The following CNTNAP2 variants were observed in gnomAD, a reference collection of about 807,000 sequenced individuals.
The protein encoded by CNTNAP2 is contactin-associated protein-like 2.
Under a neutral mutation model 155.2 loss-of-function variants are expected in CNTNAP2, and 98 were observed. That is an observed-to-expected ratio of 0.63 (90% CI 0.54 to 0.75). CNTNAP2 has a LOEUF of 0.75. Ranked by LOEUF, CNTNAP2 falls within the 30% of genes least tolerant of loss-of-function variation. The pLI is 0.00. For synonymous variants in CNTNAP2, 651 were observed against 631.2 expected (o/e 1.03, Z -0.47); for missense variants, 1,727 against 1,688.1 (o/e 1.02, Z -0.40).
intron 21 of CNTNAP2, among the ~76,000 whole-genome samples, chr7:148,361,709 C>T (rs969657054): frequency 2.0e-5 from 3 of 152,138 alleles, no homozygotes; most frequent in Non-Finnish European, 4.4e-5. Context: ...TGTATTAGTC[C>T]GTTCTCACGC....
intron 1 of CNTNAP2, among the ~76,000 whole-genome samples, chr7:146,595,404 G>A (rs1798845660): frequency 6.6e-6 from 1 of 151,762 alleles, no homozygotes; most frequent in South Asian, 2.1e-4. Context: ...ATGAATACAT[G>A]GAATTATGTT....
intron 1 of CNTNAP2, among the ~76,000 whole-genome samples, chr7:146,726,977 G>GT (rs761744018): frequency 6.6e-6 from 1 of 151,710 alleles, no homozygotes. Context: ...TTTTCCTTTT[G>GT]TTTTTTCTTG....
chr7:146,553,294 C>T (rs1190278086), intron 1 of CNTNAP2, among the ~76,000 whole-genome samples: 1 of 151,880 alleles, frequency 6.6e-6, no homozygotes, highest in Non-Finnish European at 1.5e-5. Flanking sequence ...CTATAGAAAA[C>T]TCCATTCTTT....
chr7:147,901,911 G>A (rs1799875473), intron 13 of CNTNAP2, among the ~76,000 whole-genome samples: 2 of 152,196 alleles, frequency 1.3e-5, no homozygotes, highest in African/African-American at 4.8e-5. Context: ...AGAGTTGGGG[G>A]CTAATCTGCT....
intron 3 of CNTNAP2, among the ~76,000 whole-genome samples, chr7:146,879,799 T>C (rs948191849): frequency 1.3e-5 from 2 of 152,244 alleles, no homozygotes; most frequent in East Asian, 1.9e-4. Flanking sequence ...TGTATTAGTC[T>C]GTTTTCACAC....
At chr7:147,429,252 T>C (rs1797429329) in intron 10 of CNTNAP2, among the ~76,000 whole-genome samples, 1 of 152,052 alleles carries the variant, frequency 6.6e-6, no homozygotes, top group Non-Finnish European at 1.5e-5. Context: ...TGTCATTTTT[T>C]GATTTTTTTA....
chr7:147,775,321 A>T (rs373798715), intron 13 of CNTNAP2, among the ~76,000 whole-genome samples: 609 of 34,486 alleles, frequency 0.018, 10 homozygotes, highest in African/African-American at 0.065. Context: ...ATATATATAT[A>T]TTTATATATA....
At chr7:147,444,270 G>A (rs757218316) in intron 10 of CNTNAP2, among the ~76,000 whole-genome samples, 21 of 152,166 alleles carry the variant, frequency 1.4e-4, no homozygotes, top group Non-Finnish European at 2.8e-4. Context: ...GCCAAAGCCC[G>A]TGGCAATTTG....
chr7:147,088,125 C>T (rs186761109), intron 4 of CNTNAP2, among the ~76,000 whole-genome samples: 1 of 152,350 alleles, frequency 6.6e-6, no homozygotes, highest in East Asian at 1.9e-4. Context: ...AACCTCAGGA[C>T]TCTAACTTTC....
intron 3 of CNTNAP2, among the ~76,000 whole-genome samples, chr7:146,992,047 T>C (rs1367943473): frequency 6.6e-6 from 1 of 152,212 alleles, no homozygotes; most frequent in Non-Finnish European, 1.5e-5. Flanking sequence ...GAAATGGTAC[T>C]ATTATATACA....
chr7:147,150,950 A>G (rs1053893369), intron 8 of CNTNAP2, among the ~76,000 whole-genome samples: 1 of 152,292 alleles, frequency 6.6e-6, no homozygotes, highest in African/African-American at 2.4e-5. Context: ...TTTAATGAAA[A>G]CCAAGAAACA....
chr7:147,841,429 G>A (rs1021103838), intron 13 of CNTNAP2, among the ~76,000 whole-genome samples: 2 of 152,152 alleles, frequency 1.3e-5, no homozygotes, highest in Non-Finnish European at 2.9e-5. Flanking sequence ...CCTCCTGTGA[G>A]GGAAAGACCG....
At chr7:146,745,816 A>G (rs1335446196) in intron 1 of CNTNAP2, among the ~76,000 whole-genome samples, 2 of 152,008 alleles carry the variant, frequency 1.3e-5, no homozygotes, top group African/African-American at 2.4e-5. Flanking sequence ...CCATTGGTAG[A>G]TAAGGTTTCC....
chr7:148,327,194 C>T (rs1414488182), intron 21 of CNTNAP2, among the ~76,000 whole-genome samples: 3 of 152,142 alleles, frequency 2.0e-5, no homozygotes, highest in African/African-American at 7.2e-5. Flanking sequence ...TGCAGTGGCC[C>T]GTGGGCAGCT....
rs148897274 is a variant in CNTNAP2 at position 147,529,036 on chromosome 7, A to G, written c.1778-33102A>G. Among the ~76,000 whole-genome samples the G allele has an allele frequency of 5.6e-3, 852 of 152,352 alleles. 11 individuals are homozygous for G. Among genetic ancestry groups the G allele is most frequent in the African/African-American group, 0.02 (819 of 41,584 alleles). On this transcript the variant is annotated intron_variant, in intron 11 of 23. Transcript: ENST00000361727. ...GTAAAAAAGTTATGCTAATCATAAA[A>G]TGGAAACGATACATGTCCATTTTAG...
intron 3 of CNTNAP2, among the ~76,000 whole-genome samples, chr7:146,995,493 A>C (rs1352138423): frequency 6.6e-6 from 1 of 152,008 alleles, no homozygotes; most frequent in Non-Finnish European, 1.5e-5. Context: ...CCTTGCCAAC[A>C]CTTGTTATCT....
intron 3 of CNTNAP2, among the ~76,000 whole-genome samples, chr7:146,854,411 A>G (rs1174675280): frequency 6.6e-6 from 1 of 152,196 alleles, no homozygotes; most frequent in Non-Finnish European, 1.5e-5. Flanking sequence ...AAGTTGTAAA[A>G]ACAAATTAAT....
At chr7:146,511,766 G>A (rs1396361286) in intron 1 of CNTNAP2, among the ~76,000 whole-genome samples, 2 of 152,198 alleles carry the variant, frequency 1.3e-5, no homozygotes, top group South Asian at 4.2e-4. Context: ...CATGGATTTG[G>A]TATCAGCATA....
At chr7:148,323,952 C>T (rs898551414) in intron 21 of CNTNAP2, among the ~76,000 whole-genome samples, 4 of 146,198 alleles carry the variant, frequency 2.7e-5, no homozygotes, top group South Asian at 4.3e-4. Flanking sequence ...GGTACAATCT[C>T]GGCTCACTGC....
Sources: allele counts gnomAD v4.1 joint callset (sites outside exome capture counted in the v4.1 genomes callset), GRCh38; gene constraint gnomAD v4.1.1; transcripts MANE v1.5; gene names NCBI Gene and HGNC (gene_info 2026-07-23, HGNC 2026-07-21).